GSK3B: variants seen among roughly 807,000 people sequenced by gnomAD.
GSK3B encodes glycogen synthase kinase 3 beta.
Under a neutral mutation model 56.4 loss-of-function variants are expected in GSK3B, and 15 were observed. The ratio of observed to expected loss-of-function variants is 0.27; its 90% CI spans 0.18 to 0.41. The LOEUF (loss-of-function observed/expected upper bound fraction) is 0.41. GSK3B is among the 10% of genes least tolerant of loss of function. The pLI is 1.00. For missense variants in GSK3B, 300 were observed against 513.4 expected (o/e 0.58, Z 4.02); for synonymous variants, 181 against 188.9 (o/e 0.96, Z 0.34).
At chr3:120,081,549 AAAAC>A (rs1323402869) in intron 1 of GSK3B, among the ~76,000 whole-genome samples, 1 of 152,316 alleles carries the variant, frequency 6.6e-6, no homozygotes, top group South Asian at 2.1e-4. Context: ...CCATCTCAAA[AAAAC>A]AAACAAACAA....
At chr3:119,889,844 A>C (rs1383630412) in intron 7 of GSK3B, among the ~76,000 whole-genome samples, 8 of 152,172 alleles carry the variant, frequency 5.3e-5, no homozygotes, top group Non-Finnish European at 4.4e-5. Flanking sequence ...AAAAGAATGC[A>C]AGAAGTTATA....
intron 8 of GSK3B, among the ~76,000 whole-genome samples, chr3:119,869,245 A>AAAAAAAAAAT (rs1455323431): frequency 6.7e-6 from 1 of 149,460 alleles, no homozygotes; most frequent in Non-Finnish European, 1.5e-5. Context: ...AAAAAAAAAA[A>AAAAAAAAAAT]ACATATATTC....
chr3:119,870,815 A>G (rs573965669), intron 8 of GSK3B, among the ~76,000 whole-genome samples: 1 of 152,302 alleles, frequency 6.6e-6, no homozygotes, highest in African/African-American at 2.4e-5. Context: ...AAATTGATTT[A>G]CCATAAGCAA....
intron 1 of GSK3B, among the ~76,000 whole-genome samples, chr3:120,032,919 A>T (rs1178141191): frequency 1.3e-5 from 2 of 152,202 alleles, no homozygotes; most frequent in African/African-American, 4.8e-5. Context: ...ACATTGAACG[A>T]TTTTTAGTAC....
chr3:120,016,332 C>T (rs1413768547), intron 1 of GSK3B, among the ~76,000 whole-genome samples: 1 of 152,074 alleles, frequency 6.6e-6, no homozygotes, highest in Non-Finnish European at 1.5e-5. Context: ...CTTGAAGAGC[C>T]ACAATATACC....
intron 8 of GSK3B, among the ~76,000 whole-genome samples, chr3:119,871,837 C>T (rs1051999511): frequency 3.3e-5 from 5 of 152,230 alleles, no homozygotes; most frequent in East Asian, 1.9e-4. Flanking sequence ...CACTCCAATA[C>T]GTAGCCAACA....
At position 119,960,574 on chromosome 3, in the gene GSK3B, A is replaced by G. The variant is rs189927217; in HGVS notation, c.283-13223T>C. On this transcript the variant is annotated intron_variant, in intron 2 of 10. Transcript: ENST00000264235. ...ATGTAATCATTGAGGGAAAGTGGGT[A>G]AAGAGTTTTACCCATGTGGGATTTC... 1.4e-4 allele frequency among the ~76,000 whole-genome samples: 22 copies of G among 152,344 alleles called. 1 individual carries two copies. The South Asian group carries it at 1.9e-3, about 13-fold the overall frequency.
chr3:119,933,399 A>T (rs997267660), intron 3 of GSK3B, among the ~76,000 whole-genome samples: 1 of 152,240 alleles, frequency 6.6e-6, no homozygotes, highest in African/African-American at 2.4e-5. Flanking sequence ...AAATAGACTC[A>T]GCAATGACAC....
At chr3:119,978,103 T>A (rs186759643) in intron 2 of GSK3B, among the ~76,000 whole-genome samples, 1 of 152,116 alleles carries the variant, frequency 6.6e-6, no homozygotes, top group Non-Finnish European at 1.5e-5. Context: ...TTCACCTTAA[T>A]AAGAAACTGC....
chr3:120,010,930 C>G (rs1049940685), intron 1 of GSK3B, among the ~76,000 whole-genome samples: 2 of 152,234 alleles, frequency 1.3e-5, no homozygotes, highest in Non-Finnish European at 2.9e-5. Context: ...TAGCCAAACA[C>G]AGTGATGCAC....
intron 1 of GSK3B, among the ~76,000 whole-genome samples, chr3:120,014,507 T>C (rs1291698452): frequency 6.6e-6 from 1 of 152,174 alleles, no homozygotes; most frequent in Non-Finnish European, 1.5e-5. Context: ...ACTGCTTATA[T>C]ATGTTGGAAC....
intron 10 of GSK3B, among the ~76,000 whole-genome samples, chr3:119,838,884 CTT>C (rs1373673561): frequency 1.3e-5 from 2 of 152,294 alleles, no homozygotes; most frequent in South Asian, 2.1e-4. Flanking sequence ...TCTGACAGCT[CTT>C]GTTTTATACT....
chr3:120,017,582 C>T (rs2057837858), intron 1 of GSK3B, among the ~76,000 whole-genome samples: 1 of 152,144 alleles, frequency 6.6e-6, no homozygotes, highest in Non-Finnish European at 1.5e-5. Flanking sequence ...AATTTACACA[C>T]ATTTTTAATC....
intron 7 of GSK3B, among the ~76,000 whole-genome samples, chr3:119,880,376 T>C (rs191224242): frequency 1.1e-4 from 17 of 152,332 alleles, no homozygotes; most frequent in Non-Finnish European, 2.2e-4. Context: ...ATTAAGCTCT[T>C]GTCAAATATT....
rs185932122 is a variant in GSK3B, at chr3:119,855,723, G to A, written c.1096+7696C>T. ...AAACTATCATTCTGAGCAAACTATC[G>A]CAAGGACAGAAAACCAAACACTGCA... On this transcript the variant is annotated intron_variant, in intron 9 of 10. Transcript: ENST00000264235. Among the ~76,000 whole-genome samples, 510 of 151,996 alleles carry A rather than the reference G, an allele frequency of 3.4e-3. 1 individual carries two copies. Among genetic ancestry groups the A allele is most frequent in the Admixed American group, 6.1e-3 (93 of 15,280 alleles).
intron 1 of GSK3B, among the ~76,000 whole-genome samples, chr3:120,007,189 T>C (rs1301350120): frequency 6.6e-6 from 1 of 152,098 alleles, no homozygotes; most frequent in Non-Finnish European, 1.5e-5. Flanking sequence ...CCTGGACACA[T>C]ACACCCTCCC....
chr3:120,050,689 G>A (rs999210656), intron 1 of GSK3B, among the ~76,000 whole-genome samples: 2 of 152,118 alleles, frequency 1.3e-5, no homozygotes, highest in African/African-American at 4.8e-5. Context: ...AGGAGAGAAG[G>A]TCAGGAGAGA....
intron 6 of GSK3B, among the ~76,000 whole-genome samples, chr3:119,908,768 C>T (rs988708309): frequency 1.3e-4 from 20 of 152,238 alleles, no homozygotes; most frequent in Admixed American, 1.3e-3. Flanking sequence ...TTCTAGATGT[C>T]CCAGAGGGCA....
At chr3:120,069,805 A>T (rs2058311282) in intron 1 of GSK3B, among the ~76,000 whole-genome samples, 1 of 152,190 alleles carries the variant, frequency 6.6e-6, no homozygotes, top group Non-Finnish European at 1.5e-5. Context: ...ATACTCACTT[A>T]AAAACTTCCA....
Sources: allele counts gnomAD v4.1 joint callset (sites outside exome capture counted in the v4.1 genomes callset), GRCh38; gene constraint gnomAD v4.1.1; transcripts MANE v1.5; gene names NCBI Gene and HGNC (gene_info 2026-07-23, HGNC 2026-07-21).